Variants in CSMD1 observed in about 807,000 individuals in gnomAD.
CSMD1 encodes the protein CUB and sushi domain-containing protein 1.
In CSMD1, 213 loss-of-function variants were observed where a neutral mutation model predicts 417.5. The observed-to-expected ratio is 0.51, with a 90% confidence interval of 0.46 to 0.57. The LOEUF (loss-of-function observed/expected upper bound fraction) is 0.57, where lower values mean the gene tolerates loss of function less well. Ranked by LOEUF, CSMD1 falls within the 20% of genes least tolerant of loss-of-function variation. The pLI is 0.00. For missense variants in CSMD1, 6,923 were observed against 4,529.7 expected (o/e 1.53, Z -15.17); for synonymous variants, 2,862 against 1,736.8 (o/e 1.65, Z -16.11).
At chr8:4,022,072 T>C (rs1473150722) in intron 4 of CSMD1, among the ~76,000 whole-genome samples, 1 of 146,732 alleles carries the variant, frequency 6.8e-6, no homozygotes, top group African/African-American at 2.5e-5. Context: ...TGAATACATA[T>C]GGGAGCATGT....
chr8:4,447,067 T>C (rs901866894), intron 2 of CSMD1, among the ~76,000 whole-genome samples: 4 of 152,116 alleles, frequency 2.6e-5, no homozygotes, highest in Admixed American at 6.5e-5. Context: ...TCTGCGAGCC[T>C]AGCCTCAGTT....
intron 3 of CSMD1, among the ~76,000 whole-genome samples, chr8:4,034,007 C>A (rs1797490532): frequency 1.3e-5 from 2 of 152,188 alleles, no homozygotes; most frequent in Admixed American, 6.5e-5. Flanking sequence ...AATACAAACA[C>A]TTCCAAATAA....
At position 4,935,469 on chromosome 8, in the gene CSMD1, A is replaced by T. The variant is rs138983726; in HGVS notation, c.85+58863T>A. ...AGACTAACAGTTACCAGAAATCAGA[A>T]ACTAAGTCTTTCAGTGTGAATCCAT... On this transcript the variant is annotated intron_variant, in intron 1 of 69. Transcript: ENST00000635120. Among the ~76,000 whole-genome samples, 837 of 152,372 alleles carry T rather than the reference A, an allele frequency of 5.5e-3. 8 individuals carry two copies. Among genetic ancestry groups the T allele is most frequent in the African/African-American group, 0.019 (776 of 41,580 alleles).
chr8:3,750,095 G>A (rs1014994628), intron 6 of CSMD1, among the ~76,000 whole-genome samples: 29 of 152,032 alleles, frequency 1.9e-4, no homozygotes, highest in South Asian at 8.3e-4. Flanking sequence ...GTTGCTTTGG[G>A]CTGGGGAGGC....
chr8:4,838,019 C>G lies in CSMD1; in HGVS notation c.85+156313G>C, dbSNP rs1402322874. Among the ~76,000 whole-genome samples the G allele has an allele frequency of 5.9e-5, 9 of 152,176 alleles. No homozygotes were observed. In the South Asian group the frequency reaches 1.5e-3, roughly 25 times the overall value. Reference sequence around the variant, plus strand: ...CTCCATTCTCTCTGTTCTATGGGCCCAGGAGCTAACTGCAGGCAAGGCAGT... The same window carrying G: ...CTCCATTCTCTCTGTTCTATGGGCCGAGGAGCTAACTGCAGGCAAGGCAGT... On this transcript the variant is annotated intron_variant, in intron 1 of 69. Transcript: ENST00000635120.
intron 27 of CSMD1, among the ~76,000 whole-genome samples, chr8:3,225,314 T>G (rs1485678582): frequency 6.6e-6 from 1 of 152,096 alleles, no homozygotes; most frequent in Non-Finnish European, 1.5e-5. Flanking sequence ...AATAATAAAT[T>G]CCACAGATAT....
intron 50 of CSMD1, among the ~76,000 whole-genome samples, chr8:3,051,004 G>A (rs140337639): frequency 6.6e-6 from 1 of 152,294 alleles, no homozygotes; most frequent in Non-Finnish European, 1.5e-5. Context: ...TGGTGGGAGT[G>A]TAAATTAGTT....
intron 1 of CSMD1, among the ~76,000 whole-genome samples, chr8:4,880,813 T>C (rs538169810): frequency 1.3e-5 from 2 of 152,292 alleles, no homozygotes; most frequent in South Asian, 2.1e-4. Flanking sequence ...GAAAAAGTTT[T>C]CACTTTTGTT....
intron 10 of CSMD1, among the ~76,000 whole-genome samples, chr8:3,530,920 C>T (rs1025307330): frequency 2.6e-5 from 4 of 151,180 alleles, no homozygotes; most frequent in African/African-American, 7.3e-5. Flanking sequence ...TGCAGTGGTA[C>T]GATCTCACTG....
chr8:4,488,895 T>G (rs1175920747), intron 2 of CSMD1, among the ~76,000 whole-genome samples: 1 of 152,234 alleles, frequency 6.6e-6, no homozygotes, highest in Non-Finnish European at 1.5e-5. Flanking sequence ...AGAATGTGCA[T>G]GCCTTCAGCA....
intron 3 of CSMD1, among the ~76,000 whole-genome samples, chr8:4,344,248 C>T (rs972570639): frequency 1.3e-5 from 2 of 152,134 alleles, no homozygotes; most frequent in Non-Finnish European, 2.9e-5. Flanking sequence ...CTGACACAAT[C>T]ATCTTTACAC....
chr8:2,949,822 G>C (rs1165900985), intron 67 of CSMD1, among the ~76,000 whole-genome samples: 1 of 152,164 alleles, frequency 6.6e-6, no homozygotes, highest in Admixed American at 6.5e-5. Context: ...AACTTGCAAA[G>C]AACGGTGTTA....
chr8:4,979,907 G>A (rs1397549224), intron 1 of CSMD1, among the ~76,000 whole-genome samples: 1 of 152,014 alleles, frequency 6.6e-6, no homozygotes, highest in East Asian at 1.9e-4. Context: ...GCGTGAAGGT[G>A]GGCGCCAGTA....
intron 25 of CSMD1, among the ~76,000 whole-genome samples, chr8:3,305,434 G>GTGAT (rs1804756646): frequency 6.6e-6 from 1 of 151,278 alleles, no homozygotes; most frequent in Non-Finnish European, 1.5e-5. Flanking sequence ...CCCTTATGAG[G>GTGAT]TGATTAGGTC....
At chr8:4,309,248 T>G (rs1275014832) in intron 3 of CSMD1, among the ~76,000 whole-genome samples, 1 of 152,074 alleles carries the variant, frequency 6.6e-6, no homozygotes, top group Non-Finnish European at 1.5e-5. Context: ...ATAATTTTAA[T>G]TAATTCACAC....
At chr8:4,855,489 G>C (rs571560273) in intron 1 of CSMD1, among the ~76,000 whole-genome samples, 122 of 152,150 alleles carry the variant, frequency 8.0e-4, no homozygotes, top group African/African-American at 2.3e-3. Flanking sequence ...ACATTCAAAC[G>C]AAAGGCAAAG....
At chr8:3,351,011 A>T (rs1027765472) in intron 21 of CSMD1, among the ~76,000 whole-genome samples, 3 of 152,236 alleles carry the variant, frequency 2.0e-5, no homozygotes, top group Non-Finnish European at 4.4e-5. Flanking sequence ...ATCAAGGCAA[A>T]AGCAACTCAC....
intron 54 of CSMD1, among the ~76,000 whole-genome samples, chr8:2,994,929 T>A (rs1806746442): frequency 6.6e-6 from 1 of 152,122 alleles, no homozygotes; most frequent in South Asian, 2.1e-4. Flanking sequence ...ACAAAATGGA[T>A]CACAGACTTT....
intron 5 of CSMD1, among the ~76,000 whole-genome samples, chr8:3,987,762 C>G (rs755910166): frequency 4.4e-4 from 67 of 152,168 alleles, no homozygotes; most frequent in Admixed American, 3.9e-4. Flanking sequence ...ATTGACAGGA[C>G]TCAGGCCAAA....
Sources: gnomAD v4.1 joint callset for allele counts (sites outside exome capture counted in the v4.1 genomes callset) on GRCh38, gnomAD v4.1.1 for gene constraint, MANE v1.5 for transcripts, NCBI Gene and HGNC (gene_info 2026-07-23, HGNC 2026-07-21) for gene names.